The following ADAMTSL3 variants were observed in gnomAD, a reference collection of about 807,000 sequenced individuals.
ADAMTSL3 encodes the protein ADAMTS like 3.
Under a neutral mutation model 201.7 loss-of-function variants are expected in ADAMTSL3, and 128 were observed. The observed-to-expected ratio is 0.63, with a 90% CI of 0.55 to 0.73. ADAMTSL3 has a LOEUF of 0.73. Among genes scored for constraint, ADAMTSL3 ranks in the 30% least tolerant of loss-of-function variants. The pLI is 0.00. For missense variants in ADAMTSL3, 1,990 were observed against 2,119.6 expected (o/e 0.94, Z 1.20); for synonymous variants, 738 against 748.4 (o/e 0.99, Z 0.23).
intron 4 of ADAMTSL3, among the ~76,000 whole-genome samples, chr15:83,801,626 T>A (rs936403092): frequency 1.2e-4 from 9 of 74,472 alleles, no homozygotes; most frequent in Non-Finnish European, 5.4e-5. Context: ...CAATGAAATT[T>A]TATATATATA....
chr15:83,663,969 T>C (rs984661389), intron 2 of ADAMTSL3, among the ~76,000 whole-genome samples: 1 of 151,884 alleles, frequency 6.6e-6, no homozygotes, highest in African/African-American at 2.4e-5. Flanking sequence ...TTTTAAAAAA[T>C]GCTCCTCAAT....
Position 84,016,401 on chromosome 15 carries a change from G to A in ADAMTSL3, c.4175G>A (p.Ser1392Asn), listed in dbSNP as rs200070926. ...TCCTCAGAACGAAGATGGCCAGAGAGTAGAATCGTATTTCTGCAAGGACAT... is the reference window on the plus strand; with the variant it reads ...TCCTCAGAACGAAGATGGCCAGAGAATAGAATCGTATTTCTGCAAGGACAT... The part of the protein sequence containing the change: ...LHLLERRWPE[S>N]RIVFLQGHKK... Residue 1392 changes from serine (S) to asparagine (N), a missense_variant, in exon 25 of 30, where the codon AGT becomes AAT. Coordinates refer to ENST00000286744, the MANE Select transcript of ADAMTSL3 (RefSeq NM_207517.3). 25 of 1,613,732 alleles carry A rather than the reference G, an allele frequency of 1.5e-5. No individual in the cohort carries two copies. The highest frequency in any genetic ancestry group is 3.3e-4 in the Middle Eastern group (2 of 6,084).
chr15:83,730,428 A>T (rs1290475283), intron 3 of ADAMTSL3, among the ~76,000 whole-genome samples: 1 of 152,096 alleles, frequency 6.6e-6, no homozygotes, highest in Non-Finnish European at 1.5e-5. Context: ...GGGATGGTGA[A>T]CCAGTAAGGG....
chr15:83,710,255 A>T (rs1434022036), intron 3 of ADAMTSL3, among the ~76,000 whole-genome samples: 1 of 152,104 alleles, frequency 6.6e-6, no homozygotes, highest in Non-Finnish European at 1.5e-5. Context: ...GCCCTTGACT[A>T]ATTTAGCGTT....
chr15:83,854,005 T>A (rs1314083275), intron 7 of ADAMTSL3, among the ~76,000 whole-genome samples: 1 of 152,126 alleles, frequency 6.6e-6, no homozygotes, highest in Non-Finnish European at 1.5e-5. Context: ...TTTACAGACA[T>A]CACAACACTT....
At chr15:83,830,998 A>G (rs2064143837) in intron 6 of ADAMTSL3, among the ~76,000 whole-genome samples, 1 of 152,184 alleles carries the variant, frequency 6.6e-6, no homozygotes, top group Non-Finnish European at 1.5e-5. Flanking sequence ...AGATGTAGAA[A>G]TATACAACTA....
At chr15:83,784,389 A>G (rs541388451) in intron 4 of ADAMTSL3, among the ~76,000 whole-genome samples, 3 of 152,294 alleles carry the variant, frequency 2.0e-5, no homozygotes, top group South Asian at 2.1e-4. Flanking sequence ...TGTACAGTGA[A>G]TAGTTTATGT....
At chr15:83,902,008 T>G in intron 15 of ADAMTSL3, among the ~76,000 whole-genome samples, 1 of 152,212 alleles carries the variant, frequency 6.6e-6, no homozygotes, top group East Asian at 1.9e-4. Context: ...TTCCCCAAAC[T>G]AGAAGCCTGG....
At chr15:83,778,790 G>T (rs1227035868) in intron 4 of ADAMTSL3, among the ~76,000 whole-genome samples, 1 of 152,146 alleles carries the variant, frequency 6.6e-6, no homozygotes. Context: ...ATGTAAGTGG[G>T]CTAAATGCCC....
intron 27 of ADAMTSL3, among the ~76,000 whole-genome samples, chr15:84,027,078 A>G (rs1025677694): frequency 2.0e-5 from 3 of 152,230 alleles, no homozygotes; most frequent in Non-Finnish European, 4.4e-5. Flanking sequence ...CAATAATAAA[A>G]ACACAAATAA....
chr15:83,823,972 T>TCATCTTCTTCTC, intron 6 of ADAMTSL3, among the ~76,000 whole-genome samples: 1 of 71,106 alleles, frequency 1.4e-5, no homozygotes, highest in Non-Finnish European at 3.6e-5. Flanking sequence ...TTCTTCTTCT[T>TCATCTTCTTCTC]CTCCTCCTCC....
intron 6 of ADAMTSL3, among the ~76,000 whole-genome samples, chr15:83,827,975 G>A (rs920892392): frequency 1.3e-5 from 2 of 152,100 alleles, no homozygotes; most frequent in African/African-American, 4.8e-5. Flanking sequence ...TTGTTCTTTT[G>A]GGTTAGGATT....
Position 84,014,902 on chromosome 15 carries a change from G to A in ADAMTSL3, c.4156+178G>A, listed in dbSNP as rs186534350. ...TTCTAACACCCTATTTTACCACCCC[G>A]TATTCCCAGCACCTAACACAGATGT... On this transcript the variant is annotated intron_variant, in intron 24 of 29. Coordinates refer to ENST00000286744, the MANE Select transcript of ADAMTSL3 (RefSeq NM_207517.3). Among the ~76,000 whole-genome samples, 554 of 151,958 alleles carry A rather than the reference G, an allele frequency of 3.6e-3. 3 individuals are homozygous for A. The highest frequency in any genetic ancestry group is 0.02 in the Middle Eastern group (6 of 294).
At chr15:83,759,045 C>A (rs993822247) in intron 3 of ADAMTSL3, among the ~76,000 whole-genome samples, 3 of 152,098 alleles carry the variant, frequency 2.0e-5, no homozygotes, top group Non-Finnish European at 4.4e-5. Context: ...CAGACCTTTC[C>A]CCTTGCAGGT....
chr15:83,896,635 G>A (rs548421354), intron 13 of ADAMTSL3, among the ~76,000 whole-genome samples: 20 of 152,198 alleles, frequency 1.3e-4, no homozygotes, highest in South Asian at 4.2e-4. Flanking sequence ...GAAGATTGGC[G>A]CTGTCTGTAC....
intron 6 of ADAMTSL3, among the ~76,000 whole-genome samples, chr15:83,830,471 C>G (rs576466222): frequency 6.6e-6 from 1 of 152,104 alleles, no homozygotes; most frequent in Non-Finnish European, 1.5e-5. Context: ...TTAAGAAGGC[C>G]GGTTAGCAGT....
At chr15:83,932,593 G>A (rs772596520) in intron 17 of ADAMTSL3, among the ~76,000 whole-genome samples, 9 of 152,192 alleles carry the variant, frequency 5.9e-5, no homozygotes, top group Non-Finnish European at 8.8e-5. Flanking sequence ...GTCTGCCTCT[G>A]AATGGAAGGA....
Position 83,923,915 on chromosome 15 carries a change from G to A in ADAMTSL3, c.1999G>A (p.Ala667Thr). 1 of 1,614,030 alleles carries A rather than the reference G, an allele frequency of 6.2e-7. No individual in the cohort carries two copies. Among genetic ancestry groups the A allele is most frequent in the African/African-American group, 1.3e-5 (1 of 75,010 alleles). ...TATCVGGHQEAIAVCLHIQTQ... is the reference protein window; with the variant it reads ...TATCVGGHQETIAVCLHIQTQ... ...TTTCTAACCTGCAGGCCATCAAGAA[G>A]CCATAGCAGTGTGCTTACATATCCA... The change falls in exon 17 of 30, where the codon GCC (alanine) becomes ACC (threonine). Residue 667 changes from alanine to threonine, a missense_variant. Transcript: ENST00000286744.
chr15:83,924,998 C>T (rs1295027394), intron 17 of ADAMTSL3, among the ~76,000 whole-genome samples: 1 of 152,198 alleles, frequency 6.6e-6, no homozygotes, highest in Non-Finnish European at 1.5e-5. Context: ...CCGTATTAGT[C>T]TAAGGATAAG....
Sources: gnomAD v4.1 joint callset for allele counts (sites outside exome capture counted in the v4.1 genomes callset) on GRCh38, gnomAD v4.1.1 for gene constraint, MANE v1.5 for transcripts, NCBI Gene and HGNC (gene_info 2026-07-23, HGNC 2026-07-21) for gene names.